Variants in PCDH9 observed in about 807,000 individuals in gnomAD.
PCDH9 encodes protocadherin 9.
Under a neutral mutation model 70.6 loss-of-function variants are expected in PCDH9, and 24 were observed. That is an observed-to-expected ratio of 0.34 (90% CI 0.25 to 0.48). The LOEUF is 0.48. Ranked by LOEUF, PCDH9 falls within the 20% of genes least tolerant of loss-of-function variation. The pLI, the probability that PCDH9 is intolerant of heterozygous loss-of-function variation, is 0.99. For missense variants in PCDH9, 1,281 were observed against 1,503.6 expected (o/e 0.85, Z 2.45); for synonymous variants, 562 against 558.5 (o/e 1.01, Z -0.09).
chr13:66,450,766 A>C (rs1958189812), intron 4 of PCDH9, among the ~76,000 whole-genome samples: 1 of 152,222 alleles, frequency 6.6e-6, no homozygotes. Flanking sequence ...CTGTAATCCC[A>C]GCACTTTGGG....
intron 2 of PCDH9, among the ~76,000 whole-genome samples, chr13:67,184,493 C>A (rs2088697923): frequency 1.3e-5 from 2 of 152,096 alleles, no homozygotes; most frequent in Admixed American, 1.3e-4. Flanking sequence ...CTCTGGGAGG[C>A]TAAGGCGGGC....
chr13:67,082,304 C>T lies in PCDH9; in HGVS notation c.3036+143101G>A, dbSNP rs374536320. ...ATTTGACCCTCTGCTTTTATGAATT[C>T]GACTCTTGGATTCCACATATGAATG... On this transcript the variant is annotated intron_variant, in intron 2 of 4. Transcript: ENST00000377865. Among the ~76,000 whole-genome samples the T allele has an allele frequency of 1.1e-4, 17 of 152,256 alleles. No individual in the cohort carries two copies. In the East Asian group the frequency reaches 1.5e-3, roughly 14 times the overall value.
intron 4 of PCDH9, among the ~76,000 whole-genome samples, chr13:66,343,857 A>G (rs1441517206): frequency 6.6e-6 from 1 of 152,164 alleles, no homozygotes; most frequent in Non-Finnish European, 1.5e-5. Flanking sequence ...GAGGATGGTA[A>G]ATGAGCCCAG....
intron 3 of PCDH9, among the ~76,000 whole-genome samples, chr13:66,812,656 A>G (rs998235457): frequency 2.0e-5 from 3 of 152,344 alleles, no homozygotes; most frequent in South Asian, 4.1e-4. Context: ...GCAGAGTACT[A>G]CATCTAGGTA....
At chr13:67,018,688 C>A (rs1465268619) in intron 2 of PCDH9, among the ~76,000 whole-genome samples, 3 of 150,494 alleles carry the variant, frequency 2.0e-5, no homozygotes, top group African/African-American at 7.3e-5. Context: ...TAAACAAATT[C>A]TCTGACGAGG....
intron 3 of PCDH9, among the ~76,000 whole-genome samples, chr13:66,712,541 A>G (rs139437189): frequency 1.3e-5 from 2 of 152,226 alleles, no homozygotes; most frequent in Non-Finnish European, 2.9e-5. Flanking sequence ...TAAATACAAC[A>G]CCTTTTTATT....
intron 2 of PCDH9, chr13:67,216,618 A>C (rs1310971158): frequency 2.0e-5 from 3 of 148,314 alleles, no homozygotes; most frequent in Non-Finnish European, 3.0e-5. Context: ...ATATGAATTT[A>C]CTATTTCTAG....
intron 3 of PCDH9, among the ~76,000 whole-genome samples, chr13:66,815,787 G>C (rs1228711493): frequency 6.6e-6 from 1 of 152,114 alleles, no homozygotes; most frequent in South Asian, 2.1e-4. Flanking sequence ...GAAGGGTGAG[G>C]ATCGAAAAAA....
At chr13:66,406,293 A>T (rs1171440710) in intron 4 of PCDH9, among the ~76,000 whole-genome samples, 1 of 152,164 alleles carries the variant, frequency 6.6e-6, no homozygotes, top group African/African-American at 2.4e-5. Context: ...CTCTTGCCCT[A>T]AGCCCCAGAT....
At chr13:67,199,263 A>G (rs961178860) in intron 2 of PCDH9, among the ~76,000 whole-genome samples, 1 of 151,690 alleles carries the variant, frequency 6.6e-6, no homozygotes. Context: ...ATTAAGCACT[A>G]TATTTCTGGT....
chr13:66,799,459 C>T (rs550155955), intron 3 of PCDH9, among the ~76,000 whole-genome samples: 1 of 152,184 alleles, frequency 6.6e-6, no homozygotes, highest in African/African-American at 2.4e-5. Context: ...GATGAGTCAC[C>T]TTATAAGCAT....
intron 2 of PCDH9, among the ~76,000 whole-genome samples, chr13:67,059,016 T>G (rs1043905055): frequency 6.6e-6 from 1 of 152,026 alleles, no homozygotes; most frequent in Admixed American, 6.6e-5. Flanking sequence ...TGCCCTCTTC[T>G]TCCTCTTCTT....
chr13:66,954,579 C>T (rs1343067967), intron 2 of PCDH9, among the ~76,000 whole-genome samples: 1 of 152,184 alleles, frequency 6.6e-6, no homozygotes, highest in East Asian at 1.9e-4. Context: ...GCAAAGGATA[C>T]TTGGGTTCCT....
intron 4 of PCDH9, among the ~76,000 whole-genome samples, chr13:66,310,144 G>A (rs1457066966): frequency 1.3e-5 from 2 of 151,834 alleles, no homozygotes; most frequent in Non-Finnish European, 2.9e-5. Flanking sequence ...AAAATCACAA[G>A]TGCAAATAAC....
At chr13:66,859,553 A>T (rs2081447836) in intron 3 of PCDH9, among the ~76,000 whole-genome samples, 4 of 152,240 alleles carry the variant, frequency 2.6e-5, no homozygotes, top group African/African-American at 9.6e-5. Flanking sequence ...TTTCAGGCAC[A>T]AAAATCATTT....
At chr13:66,356,835 A>G (rs1956391769) in intron 4 of PCDH9, among the ~76,000 whole-genome samples, 1 of 152,076 alleles carries the variant, frequency 6.6e-6, no homozygotes. Flanking sequence ...TCTAATTATT[A>G]CAACATTCTT....
At chr13:67,203,828 C>T (rs547508843) in intron 2 of PCDH9, 2 of 151,894 alleles carry the variant, frequency 1.3e-5, no homozygotes, top group South Asian at 4.2e-4. Context: ...TGGAAATAAT[C>T]AATTTGCAAT....
intron 4 of PCDH9, among the ~76,000 whole-genome samples, chr13:66,499,878 G>C (rs2138556282): frequency 6.6e-6 from 1 of 152,282 alleles, no homozygotes; most frequent in Non-Finnish European, 1.5e-5. Context: ...TTGTTTCAGA[G>C]AGCCTGGCAT....
At chr13:66,980,742 G>GTTTTTTTTTTTTTT (rs550869529) in intron 2 of PCDH9, among the ~76,000 whole-genome samples, 168 of 107,262 alleles carry the variant, frequency 1.6e-3, no homozygotes, top group East Asian at 5.3e-3. Flanking sequence ...TTTTTTTTTT[G>GTTTTTTTTTTTTTT]TTTTTTTTTT....
Sources: gnomAD v4.1 joint callset for allele counts (sites outside exome capture counted in the v4.1 genomes callset) on GRCh38, gnomAD v4.1.1 for gene constraint, MANE v1.5 for transcripts, NCBI Gene and HGNC (gene_info 2026-07-23, HGNC 2026-07-21) for gene names.